The following GGT5 variants were observed in gnomAD, a reference collection of about 807,000 sequenced individuals.
GGT5 encodes the protein glutathione hydrolase 5 proenzyme.
In GGT5, 50 loss-of-function variants were observed where a neutral mutation model predicts 58.1. The observed-to-expected ratio is 0.86, with a 90% CI of 0.69 to 1.09. The LOEUF is 1.09. Among genes scored for constraint, GGT5 ranks in the 50% least tolerant of loss-of-function variants. The pLI is 0.00. For synonymous variants in GGT5, 370 were observed against 346.1 expected (o/e 1.07, Z -0.77); for missense variants, 800 against 789.4 (o/e 1.01, Z -0.16).
At chr22:24,230,759 T>A (rs766298048) in intron 6 of GGT5, among the ~76,000 whole-genome samples, 4 of 152,150 alleles carry the variant, frequency 2.6e-5, no homozygotes, top group Non-Finnish European at 4.4e-5. Flanking sequence ...GGAACAAACA[T>A]CATTTTCTTT....
chr22:24,231,942 T>A (rs77343908), intron 5 of GGT5, 109 bp downstream of exon 5: 85,441 of 922,086 alleles, frequency 0.093, 4,551 homozygotes, highest in East Asian at 0.15. Context: ...TCCCGGGCAC[T>A]GCCTGCACTC....
intron 5 of GGT5, 147 bp downstream of exon 5, chr22:24,231,904 G>T: frequency 1.5e-6 from 1 of 678,464 alleles, no homozygotes. Flanking sequence ...CCTTGGGCCG[G>T]CAGAGCTAGG....
At chr22:24,221,268 T>C (rs2047582079) in intron 11 of GGT5, among the ~76,000 whole-genome samples, 1 of 152,140 alleles carries the variant, frequency 6.6e-6, no homozygotes, top group Non-Finnish European at 1.5e-5. Flanking sequence ...GGACTCACAT[T>C]AGCCACAAGA....
At chr22:24,233,412 C>T (rs9624434) in intron 3 of GGT5, 86 bp downstream of exon 3, 136,115 of 738,180 alleles carry the variant, frequency 0.18, 13,202 homozygotes, top group Admixed American at 0.28. Context: ...ACAGCCTGTC[C>T]GTGAGGCGCT....
intron 6 of GGT5, among the ~76,000 whole-genome samples, chr22:24,227,407 C>T (rs898625589): frequency 5.9e-5 from 9 of 152,038 alleles, no homozygotes; most frequent in African/African-American, 1.2e-4. Flanking sequence ...CCATCATGCC[C>T]GGCTAATTTT....
At chr22:24,230,288 T>C (rs1186600086) in intron 6 of GGT5, among the ~76,000 whole-genome samples, 1 of 150,918 alleles carries the variant, frequency 6.6e-6, no homozygotes, top group Non-Finnish European at 1.5e-5. Context: ...GAATTGCTTG[T>C]ACCTGGGAGG....
chr22:24,225,564 C>A lies in GGT5; in HGVS notation c.1318G>T (p.Gly440Cys). ...TTCTCACCAGGTGAGGGGGTGGTGC[C>A]GGAACCCCGGGGGCATCGCTCGCAT... Reference protein sequence around the residue: ...DLCERCPRGSGTTPSPVSGDR... With the variant: ...DLCERCPRGSCTTPSPVSGDR... The change falls in exon 9 of 12, where the codon GGC (glycine) becomes TGC (cysteine). Residue 440 changes from glycine (G) to cysteine (C), a missense_variant. Coordinates refer to ENST00000327365, the MANE Select transcript of GGT5 (RefSeq NM_004121.5). 1 of 1,612,106 alleles carries A rather than the reference C, an allele frequency of 6.2e-7. No individual in the cohort carries two copies.
At position 24,232,088 on chromosome 22, in the gene GGT5, C is replaced by G; in HGVS notation, c.717G>C (p.Arg239Ser). The change falls in exon 5 of 12, where the codon AGG (arginine) becomes AGC (serine). Residue 239 changes from arginine (R) to serine (S), a missense_variant. By Grantham distance (110) the Arg-to-Ser change is moderately radical. Transcript: ENST00000327365. ...TEGVEVFYTG[R>S]LGQMLVEDIA... Reference sequence around the variant, plus strand: ...TGTCCTCCACCAGCATCTGGCCCAGCCTCCCCGTGTAGAAGACCTCCACGC... The same window carrying G: ...TGTCCTCCACCAGCATCTGGCCCAGGCTCCCCGTGTAGAAGACCTCCACGC... 1 of 1,613,248 alleles carries G rather than the reference C, an allele frequency of 6.2e-7. No homozygotes were observed. The highest frequency in any genetic ancestry group is 8.5e-7 in the Non-Finnish European group (1 of 1,179,562).
intron 11 of GGT5, among the ~76,000 whole-genome samples, chr22:24,224,306 T>G (rs2047684324): frequency 6.6e-6 from 1 of 151,798 alleles, no homozygotes; most frequent in Admixed American, 6.6e-5. Flanking sequence ...GCTCAGGAGT[T>G]CAAGACCAGC....
chr22:24,231,287 C>G, intron 6 of GGT5, 97 bp downstream of exon 6: 1 of 753,702 alleles, frequency 1.3e-6, no homozygotes, highest in East Asian at 2.8e-5. Flanking sequence ...GGAGGCTGAG[C>G]TGGGCCTTGG....
rs892435899 is a variant in GGT5, at chr22:24,225,247, G to A, written c.1501C>T (p.Gln501Ter). The change falls in exon 10 of 12, where the codon CAG becomes TAG. Residue 501 changes from glutamine (Q) to a stop codon, truncating the protein, a stop_gained and splice_region_variant. Coordinates refer to ENST00000327365, the MANE Select transcript of GGT5 (RefSeq NM_004121.5). LOFTEE classifies it high-confidence loss of function. ...GGELIISAVA[Q>*]AIMSKLWLGF... ...CGAGCCAGGAGCCCCAGACTCACCT[G>A]GGCCACAGCAGAGATGATGAGCTCC... 6.2e-7 allele frequency: 1 copy of A among 1,613,058 alleles called. No individual in the cohort carries two copies. Among genetic ancestry groups the A allele is most frequent in the Non-Finnish European group, 8.5e-7 (1 of 1,179,762 alleles).
At chr22:24,244,028 T>C (rs1051267400) in intron 1 of GGT5, 2 of 154,148 alleles carry the variant, frequency 1.3e-5, no homozygotes, top group African/African-American at 4.8e-5. Flanking sequence ...CCTTGGAGAA[T>C]TGGCCTCACT....
Position 24,223,727 on chromosome 22 carries a change from C to T in GGT5, c.1614+1269G>A, listed in dbSNP as rs1046278869. ...CTCATAACAGGAGAGGCAGCTTTGA[C>T]GATCTGGAACCTCAGCTGCTATCAA... On this transcript the variant is annotated intron_variant, in intron 11 of 11. Transcript: ENST00000327365. Among the ~76,000 whole-genome samples the T allele has an allele frequency of 4.0e-5, 6 of 148,584 alleles. No homozygotes were observed. The South Asian group carries it at 6.4e-4, about 16-fold the overall frequency.
intron 6 of GGT5, 43 bp downstream of exon 6, chr22:24,231,341 C>CGGGGGGG: frequency 9.6e-7 from 1 of 1,045,664 alleles, no homozygotes; most frequent in Non-Finnish European, 1.2e-6. Flanking sequence ...GCCGGGGGTG[C>CGGGGGGG]GGGGGAGGGG....
chr22:24,239,808 G>A (rs1272299429), intron 1 of GGT5, among the ~76,000 whole-genome samples: 3 of 151,942 alleles, frequency 2.0e-5, no homozygotes, highest in African/African-American at 2.4e-5. Context: ...TAGGCTGGGC[G>A]TGGTGGCTCA....
intron 1 of GGT5, chr22:24,243,184 T>G (rs1286368301): frequency 6.6e-6 from 1 of 152,172 alleles, no homozygotes; most frequent in African/African-American, 2.4e-5. Flanking sequence ...CAGTCTCATT[T>G]GCATCTTTGC....
Position 24,224,861 on chromosome 22 carries a change from C to T in GGT5, c.1614+135G>A, listed in dbSNP as rs907441315. On this transcript the variant is annotated intron_variant, in intron 11 of 11. Transcript: ENST00000327365. The stretch of plus-strand genomic sequence containing the variant: ...CAGCCTCACCCATCAAGGTCCCCAA[C>T]TCCTATGGCCCCCAAAGTTGAAGTG... The T allele has an allele frequency of 7.7e-6, 5 of 647,384 alleles. No homozygotes were observed. The African/African-American group carries it at 9.0e-5, about 12-fold the overall frequency. 40.1% of individuals were successfully genotyped at this position (647,384 alleles called of 1,614,324 possible). A position where few individuals can be genotyped will look rare whatever the true frequency, so the allele number is the denominator to read the frequency against.
chr22:24,238,890 T>A (rs1468364482), intron 1 of GGT5, among the ~76,000 whole-genome samples: 214 of 8,122 alleles, frequency 0.026, 16 homozygotes, highest in African/African-American at 0.14. Flanking sequence ...TATTATATAT[T>A]TTATATATAT....
rs776743050 is a variant in GGT5 at position 24,225,350 on chromosome 22, A to G, written c.1398T>C (p.Arg466=). 7 of 1,613,320 alleles carry G rather than the reference A, an allele frequency of 4.3e-6. No individual in the cohort carries two copies. In the South Asian group the frequency reaches 7.7e-5, roughly 18 times the overall value. ...TGGAGGGCACCATGGAGGATGGGGA[A>G]CGCTCGCCTGGAACTGGGGGCCAGC... ...GRCWPPVPGE[R]SPSSMVPSIL... The change falls in exon 10 of 12, where the codon CGT becomes CGC. Residue 466 remains arginine (R), a synonymous_variant. Coordinates refer to ENST00000327365, the MANE Select transcript of GGT5 (RefSeq NM_004121.5).
Sources: allele counts gnomAD v4.1 joint callset (sites outside exome capture counted in the v4.1 genomes callset), GRCh38; gene constraint gnomAD v4.1.1; transcripts MANE v1.5; gene names NCBI Gene and HGNC (gene_info 2026-07-23, HGNC 2026-07-21).